The following P2RY8 variants were observed in gnomAD, a reference collection of about 807,000 sequenced individuals.
The protein encoded by P2RY8 is P2Y receptor family member 8, also known as S-geranylgeranyl-glutathione receptor P2RY8.
A neutral mutation model predicts 10.0 loss-of-function variants in P2RY8; 6 were observed. That is an observed-to-expected ratio of 0.60 (90% CI 0.33 to 1.19). The LOEUF (loss-of-function observed/expected upper bound fraction) is 1.19. Ranked by LOEUF, P2RY8 falls within the 50% of genes most tolerant of loss-of-function variation. The pLI is 0.04. For synonymous variants in P2RY8, 276 were observed against 252.5 expected, an observed-to-expected ratio of 1.09 and a Z score of -0.88; for missense variants, 456 against 542.0, an observed-to-expected ratio of 0.84 and a Z score of 1.58.
chrX:1,464,786 G>GT lies in P2RY8; in HGVS notation c.*692_*693insA, dbSNP rs2091639014. The GT allele has an allele frequency of 8.8e-6, 2 of 226,580 alleles. No individual in the cohort carries two copies. The highest frequency in any genetic ancestry group is 1.8e-5 in the Non-Finnish European group (2 of 113,902). The allele number at this position is 226,580 out of a possible 1,614,324, so 14.0% of individuals were successfully genotyped here. ...AATCACCTTGGTCAGCAACAGGGTG[G>GT]GGTGTGTGTGTGGGGGGAAGTGGGC... is the stretch of plus-strand genomic sequence containing the variant. On this transcript the variant is annotated 3_prime_UTR_variant, in exon 2 of 2. Coordinates refer to ENST00000381297, the MANE Select transcript of P2RY8 (RefSeq NM_178129.5).
Position 1,466,600 on chromosome X carries a change from A to G in P2RY8, c.-24-18T>C. On this transcript the variant is annotated intron_variant, in intron 1 of 1. Coordinates refer to ENST00000381297, the MANE Select transcript of P2RY8 (RefSeq NM_178129.5). ...CCCGGGCTCTGCAAGGGAAGGAGGG[A>G]AGGGTGTACGGGTCAGGGGCGCAGG... 1 of 1,571,176 alleles carries G rather than the reference A, an allele frequency of 6.4e-7. No individual in the cohort carries two copies. The highest frequency in any genetic ancestry group is 8.6e-7 in the Non-Finnish European group (1 of 1,163,396).
At chrX:1,482,576 C>T (rs2091947425) in intron 1 of P2RY8, among the ~76,000 whole-genome samples, 1 of 151,996 alleles carries the variant, frequency 6.6e-6, no homozygotes, top group Non-Finnish European at 1.5e-5. Flanking sequence ...AATGGTAGTG[C>T]CTAGGTTTTC....
At chrX:1,488,234 G>A (rs1453788463) in intron 1 of P2RY8, among the ~76,000 whole-genome samples, 3 of 152,172 alleles carry the variant, frequency 2.0e-5, no homozygotes, top group Admixed American at 2.0e-4. Flanking sequence ...AACGAGCTGA[G>A]GAATCTCACT....
intron 1 of P2RY8, among the ~76,000 whole-genome samples, chrX:1,524,354 C>T (rs2092414113): frequency 8.1e-6 from 1 of 123,490 alleles, no homozygotes; most frequent in South Asian, 2.5e-4. Flanking sequence ...TCCATTCATC[C>T]ATCCATCCAT....
intron 1 of P2RY8, among the ~76,000 whole-genome samples, chrX:1,512,543 T>G (rs1265423438): frequency 7.0e-5 from 3 of 43,070 alleles, no homozygotes; most frequent in African/African-American, 1.9e-4. Context: ...TGAGACTCCG[T>G]CTCAAAAAAA....
In P2RY8 at chrX:1,466,120, T is replaced by C. The variant is rs763663006; in HGVS notation, c.439A>G (p.Thr147Ala). ...RRYAVAACAG[T>A]WLLLLTALSP... Reference sequence around the variant, plus strand: ...AGGGCGGTCAGGAGCAGCAGCCAGGTCCCTGCACACGCGGCCACCGCGTAA... The same window carrying C: ...AGGGCGGTCAGGAGCAGCAGCCAGGCCCCTGCACACGCGGCCACCGCGTAA... The change falls in exon 2 of 2, where the codon ACC becomes GCC. Residue 147 changes from threonine (T) to alanine (A), a missense_variant. Physicochemically the swap from Thr to Ala is moderately conservative, Grantham distance 58 (BLOSUM62 0). Transcript: ENST00000381297. 2 of 1,611,762 alleles carry C rather than the reference T, an allele frequency of 1.2e-6. No homozygotes were observed. Among genetic ancestry groups the C allele is most frequent in the South Asian group, 2.2e-5 (2 of 90,942 alleles).
intron 1 of P2RY8, among the ~76,000 whole-genome samples, chrX:1,514,466 TTTTCC>T: frequency 2.2e-5 from 1 of 44,848 alleles, no homozygotes; most frequent in African/African-American, 1.2e-4. Flanking sequence ...CTTCCCCTCC[TTTTCC>T]TTTCCTTTTC....
At chrX:1,532,039 C>A (rs1336972775) in intron 1 of P2RY8, among the ~76,000 whole-genome samples, 2 of 151,950 alleles carry the variant, frequency 1.3e-5, no homozygotes, top group African/African-American at 4.8e-5. Flanking sequence ...ACCATTTGAT[C>A]CAGCAATCCC....
chrX:1,496,958 C>T (rs1200144904), intron 1 of P2RY8, among the ~76,000 whole-genome samples: 1 of 150,740 alleles, frequency 6.6e-6, no homozygotes, highest in African/African-American at 2.4e-5. Context: ...GTGGCTCACG[C>T]CTGTAATCCC....
chrX:1,524,409 GCATCCATCCATC>G lies in P2RY8; in HGVS notation c.-25+12500_-25+12511del, dbSNP rs1206670236. Among the ~76,000 whole-genome samples the G allele has an allele frequency of 3.8e-4, 42 of 109,900 alleles. 1 individual carries two copies. The highest frequency in any genetic ancestry group is 1.5e-3 in the African/African-American group (41 of 26,886). The allele number at this position is 109,900 out of a possible 152,430, so 72.1% of individuals were successfully genotyped here. On this transcript the variant is annotated intron_variant, in intron 1 of 1. Transcript: ENST00000381297. ...TCCATCCATCCCTCCATCCATGCAT[GCATCCATCCATC>G]CATCCATCCATCCATCCATTCATCC...
chrX:1,493,447 A>G (rs62602994), intron 1 of P2RY8, among the ~76,000 whole-genome samples: 28,000 of 79,720 alleles, frequency 0.35, 5,473 homozygotes, highest in South Asian at 0.44. Flanking sequence ...AAGGAGGAGG[A>G]AGGAGGAAGG....
chrX:1,513,030 C>A (rs1413376125), intron 1 of P2RY8, among the ~76,000 whole-genome samples: 1 of 149,058 alleles, frequency 6.7e-6, no homozygotes, highest in Admixed American at 6.7e-5. Flanking sequence ...TGCCCCCCCA[C>A]CCCCCAACAG....
intron 1 of P2RY8, among the ~76,000 whole-genome samples, chrX:1,515,303 A>G (rs1181471990): frequency 6.6e-6 from 1 of 151,988 alleles, no homozygotes; most frequent in East Asian, 1.9e-4. Context: ...TCACCCATCT[A>G]CAGTTCATTG....
intron 1 of P2RY8, among the ~76,000 whole-genome samples, chrX:1,503,779 C>A (rs2092202628): frequency 6.6e-6 from 1 of 152,068 alleles, no homozygotes; most frequent in African/African-American, 2.4e-5. Context: ...CCTGTAGTCC[C>A]AGCTAATCAG....
At chrX:1,495,069 GTTTT>G (rs11358685) in intron 1 of P2RY8, among the ~76,000 whole-genome samples, 1 of 152,004 alleles carries the variant, frequency 6.6e-6, no homozygotes, top group Admixed American at 6.6e-5. Context: ...TGCTAAGACA[GTTTT>G]TTATTTGGAA....
intron 1 of P2RY8, among the ~76,000 whole-genome samples, chrX:1,497,221 CAAAAAA>C (rs555047911): frequency 1.2e-5 from 1 of 84,528 alleles, no homozygotes; most frequent in African/African-American, 4.3e-5. Flanking sequence ...GACTCCGTCT[CAAAAAA>C]AAAAAAAAAG....
At chrX:1,514,418 TTCCC>T (rs1351677897) in intron 1 of P2RY8, among the ~76,000 whole-genome samples, 4 of 31,450 alleles carry the variant, frequency 1.3e-4, no homozygotes, top group Admixed American at 4.6e-4. Context: ...CTCCCTTCCC[TTCCC>T]TTCCTTTCCC....
chrX:1,510,274 C>T (rs764469241), intron 1 of P2RY8, among the ~76,000 whole-genome samples: 15 of 152,252 alleles, frequency 9.9e-5, no homozygotes, highest in South Asian at 8.3e-4. Flanking sequence ...TGGCTTAGAG[C>T]GTGATGGACT....
chrX:1,491,973 G>T (rs2092056751), intron 1 of P2RY8, among the ~76,000 whole-genome samples: 1 of 152,192 alleles, frequency 6.6e-6, no homozygotes, highest in African/African-American at 2.4e-5. Context: ...CAGTGTGGAC[G>T]TTAGCCCCAC....
Sources: gnomAD v4.1 joint callset for allele counts (sites outside exome capture counted in the v4.1 genomes callset) on GRCh38, gnomAD v4.1.1 for gene constraint, MANE v1.5 for transcripts, NCBI Gene and HGNC (gene_info 2026-07-23, HGNC 2026-07-21) for gene names.